SUMF1: variants seen among roughly 807,000 people sequenced by gnomAD.
SUMF1 encodes the protein sulfatase modifying factor 1.
In SUMF1, 48 loss-of-function variants were observed where a neutral mutation model predicts 47.6. That is an observed-to-expected ratio of 1.01 (90% CI 0.80 to 1.28). The LOEUF (loss-of-function observed/expected upper bound fraction) is 1.28. Among genes scored for constraint, SUMF1 ranks in the 50% most tolerant of loss-of-function variants. The probability of loss-of-function intolerance (pLI) is 0.00; values close to 1 mark genes in which losing one functional copy is unlikely to be tolerated. For missense variants in SUMF1, 571 were observed against 485.4 expected (o/e 1.18, Z -1.66); for synonymous variants, 230 against 192.1 (o/e 1.20, Z -1.63).
chr3:4,281,618 G>A (rs1435100341), intron 8 of SUMF1, among the ~76,000 whole-genome samples: 1 of 152,014 alleles, frequency 6.6e-6, no homozygotes, highest in Admixed American at 6.6e-5. Context: ...TCAGGGATGA[G>A]AGAAAATAAT....
chr3:4,316,226 G>A (rs1407729389), intron 8 of SUMF1: 1 of 712,274 alleles, frequency 1.4e-6, no homozygotes, highest in South Asian at 1.5e-5. Flanking sequence ...TGAAAATGAT[G>A]TTAGACAAAA....
chr3:4,086,464 C>T (rs2125049439), intron 8 of SUMF1, among the ~76,000 whole-genome samples: 1 of 152,116 alleles, frequency 6.6e-6, no homozygotes, highest in Non-Finnish European at 1.5e-5. Flanking sequence ...AATTAGAAGA[C>T]CTGGTGTCTC....
intron 8 of SUMF1, among the ~76,000 whole-genome samples, chr3:4,279,710 G>A (rs1183397134): frequency 3.9e-5 from 6 of 152,052 alleles, no homozygotes; most frequent in Middle Eastern, 3.4e-3. Flanking sequence ...CTCATAATAC[G>A]AACCAAGTTA....
chr3:4,134,863 A>T (rs1693886112), intron 8 of SUMF1, among the ~76,000 whole-genome samples: 1 of 152,184 alleles, frequency 6.6e-6, no homozygotes, highest in South Asian at 2.1e-4. Context: ...AATAAACTAG[A>T]AAATCTAGAA....
chr3:4,196,145 A>G (rs900665741), intron 8 of SUMF1, among the ~76,000 whole-genome samples: 21 of 152,072 alleles, frequency 1.4e-4, no homozygotes, highest in African/African-American at 1.4e-4. Flanking sequence ...ACATAAGGGG[A>G]AGTCCAGAAG....
intron 8 of SUMF1, among the ~76,000 whole-genome samples, chr3:4,071,856 C>A (rs1377483121): frequency 6.6e-6 from 1 of 152,200 alleles, no homozygotes; most frequent in African/African-American, 2.4e-5. Context: ...GAAGGGGCAG[C>A]TGTGGGCACA....
At chr3:4,133,225 AT>A (rs1307584240) in intron 8 of SUMF1, among the ~76,000 whole-genome samples, 3 of 152,176 alleles carry the variant, frequency 2.0e-5, no homozygotes, top group Admixed American at 2.0e-4. Context: ...CATAAGATTT[AT>A]TGATTTCACA....
intron 8 of SUMF1, among the ~76,000 whole-genome samples, chr3:4,199,887 A>G (rs1324088404): frequency 2.0e-5 from 3 of 152,156 alleles, no homozygotes; most frequent in Non-Finnish European, 2.9e-5. Flanking sequence ...TATCAAACAT[A>G]TAATTTTCAA....
At chr3:4,321,088 C>T (rs1307776384) in intron 8 of SUMF1, among the ~76,000 whole-genome samples, 2 of 152,062 alleles carry the variant, frequency 1.3e-5, no homozygotes, top group African/African-American at 4.8e-5. Flanking sequence ...CCAGGTTTCT[C>T]ACTGTTGGAT....
chr3:4,244,056 T>C (rs1328474188), intron 8 of SUMF1, among the ~76,000 whole-genome samples: 1 of 152,172 alleles, frequency 6.6e-6, no homozygotes, highest in African/African-American at 2.4e-5. Flanking sequence ...TTAAAGTCTG[T>C]TTTATGAGAG....
intron 8 of SUMF1, among the ~76,000 whole-genome samples, chr3:4,297,071 G>C (rs1227674801): frequency 6.6e-6 from 1 of 152,088 alleles, no homozygotes; most frequent in Non-Finnish European, 1.5e-5. Flanking sequence ...ATAAATAATA[G>C]TTTTAGCTGT....
At chr3:4,299,803 C>G (rs1411513404) in intron 8 of SUMF1, among the ~76,000 whole-genome samples, 1 of 151,968 alleles carries the variant, frequency 6.6e-6, no homozygotes, top group Non-Finnish European at 1.5e-5. Context: ...GAGTGAGACT[C>G]CACCTCAAAA....
chr3:4,253,317 A>C (rs913957467), intron 8 of SUMF1, among the ~76,000 whole-genome samples: 8 of 152,224 alleles, frequency 5.3e-5, no homozygotes, highest in Admixed American at 4.6e-4. Flanking sequence ...GTGACGCAGA[A>C]GACAGGTGAT....
chr3:4,213,171 G>C (rs957796261), intron 8 of SUMF1, among the ~76,000 whole-genome samples: 37 of 152,102 alleles, frequency 2.4e-4, no homozygotes, highest in African/African-American at 8.7e-4. Flanking sequence ...AGAAAGGTCG[G>C]GTTACACACA....
At chr3:4,144,812 T>C (rs1694155596) in intron 8 of SUMF1, among the ~76,000 whole-genome samples, 1 of 152,190 alleles carries the variant, frequency 6.6e-6, no homozygotes. Context: ...AGATAATTCA[T>C]GTGTGATAGC....
At chr3:4,176,164 T>C (rs1204149980) in intron 8 of SUMF1, among the ~76,000 whole-genome samples, 1 of 152,032 alleles carries the variant, frequency 6.6e-6, no homozygotes, top group Non-Finnish European at 1.5e-5. Context: ...CAGGCCAACA[T>C]TCAAATTCAG....
intron 9 of SUMF1, among the ~76,000 whole-genome samples, chr3:4,035,606 C>A (rs1373150865): frequency 3.9e-5 from 6 of 152,278 alleles, no homozygotes; most frequent in Middle Eastern, 3.4e-3. Context: ...AGAGAGGCCA[C>A]AACTCAACCT....
chr3:4,268,450 A>C (rs1352461090), intron 8 of SUMF1, among the ~76,000 whole-genome samples: 1 of 151,904 alleles, frequency 6.6e-6, no homozygotes, highest in Non-Finnish European at 1.5e-5. Flanking sequence ...AGAAAAAATA[A>C]TAATAAAACC....
intron 3 of SUMF1, among the ~76,000 whole-genome samples, chr3:4,425,137 T>C (rs1461400356): frequency 6.6e-6 from 1 of 152,190 alleles, no homozygotes; most frequent in Admixed American, 6.5e-5. Context: ...TAAATATTAA[T>C]ACACAGTTTA....
Sources: gnomAD v4.1 joint callset for allele counts (sites outside exome capture counted in the v4.1 genomes callset) on GRCh38, gnomAD v4.1.1 for gene constraint, MANE v1.5 for transcripts, NCBI Gene and HGNC (gene_info 2026-07-23, HGNC 2026-07-21) for gene names.